The following CDH18 variants were observed in gnomAD, a reference collection of about 807,000 sequenced individuals.
The protein encoded by CDH18 is cadherin-18.
A neutral mutation model predicts 67.9 loss-of-function variants in CDH18; 31 were observed. That is an observed-to-expected ratio of 0.46 (90% CI 0.34 to 0.62). The LOEUF (loss-of-function observed/expected upper bound fraction) is 0.62. Ranked by LOEUF, CDH18 falls within the 20% of genes least tolerant of loss-of-function variation. CDH18 has a pLI of 0.01. For missense variants in CDH18, 890 were observed against 975.5 expected, an observed-to-expected ratio of 0.91 and a Z score of 1.17; for synonymous variants, 362 against 347.2, an observed-to-expected ratio of 1.04 and a Z score of -0.48.
intron 1 of CDH18, among the ~76,000 whole-genome samples, chr5:20,355,907 G>T (rs1741570632): frequency 6.6e-6 from 1 of 152,030 alleles, no homozygotes; most frequent in Non-Finnish European, 1.5e-5. Flanking sequence ...AATTAACTTA[G>T]GTAATGTTAC....
At chr5:20,423,755 C>G (rs1748043891) in intron 1 of CDH18, among the ~76,000 whole-genome samples, 1 of 150,150 alleles carries the variant, frequency 6.7e-6, no homozygotes, top group South Asian at 2.1e-4. Flanking sequence ...ACCATCCTGG[C>G]TAACACGGCG....
At chr5:19,872,496 T>C (rs1474323678) in intron 2 of CDH18, among the ~76,000 whole-genome samples, 1 of 152,186 alleles carries the variant, frequency 6.6e-6, no homozygotes, top group Non-Finnish European at 1.5e-5. Flanking sequence ...AAAGAAGGAT[T>C]GGGCCCTCCA....
chr5:19,610,886 T>C (rs961050318), intron 6 of CDH18, among the ~76,000 whole-genome samples: 2 of 152,168 alleles, frequency 1.3e-5, no homozygotes, highest in Non-Finnish European at 2.9e-5. Flanking sequence ...TTACCTATGA[T>C]ATATACTTTC....
At position 20,370,819 on chromosome 5, in the gene CDH18, A is replaced by G. The variant is rs1742928713; in HGVS notation, c.-579-115314T>C. Among the ~76,000 whole-genome samples, 4 of 152,044 alleles carry G rather than the reference A, an allele frequency of 2.6e-5. No individual in the cohort carries two copies. The South Asian group carries it at 8.3e-4, about 32-fold the overall frequency. The stretch of plus-strand genomic sequence containing the variant: ...TGTGGAAGGCTGAGGCAGGAGGATC[A>G]TGAGGTCAGGAGTTCGAGACTAGCC... On this transcript the variant is annotated intron_variant, in intron 1 of 14. Transcript: ENST00000507958.
chr5:19,472,652 G>A lies in CDH18; in HGVS notation c.*574C>T, dbSNP rs1737747902. Among the ~76,000 whole-genome samples the A allele has an allele frequency of 6.6e-6, 1 of 152,068 alleles. No individual in the cohort carries two copies. The highest frequency in any genetic ancestry group is 2.1e-4 in the South Asian group (1 of 4,820). ...AGTTTTGTATGGAGAAAAGAACTGG[G>A]GAGGGCAAAGGGAAATGGTACATAC... On this transcript the variant is annotated 3_prime_UTR_variant, in exon 13 of 13. Transcript: ENST00000382275.
intron 1 of CDH18, among the ~76,000 whole-genome samples, chr5:20,572,729 T>C (rs1280333734): frequency 6.6e-6 from 1 of 152,168 alleles, no homozygotes; most frequent in Non-Finnish European, 1.5e-5. Flanking sequence ...CTCAGATATC[T>C]ATAAAAACAG....
chr5:19,495,651 T>G (rs1742173841), intron 11 of CDH18, among the ~76,000 whole-genome samples: 1 of 134,892 alleles, frequency 7.4e-6, no homozygotes, highest in Admixed American at 8.8e-5. Flanking sequence ...CCCAGGAGGC[T>G]GAGGTTGCCG....
intron 2 of CDH18, among the ~76,000 whole-genome samples, chr5:19,963,819 C>T (rs187059167): frequency 6.6e-6 from 1 of 152,088 alleles, no homozygotes; most frequent in African/African-American, 2.4e-5. Context: ...GGGGATGCCT[C>T]AAGAAACTTA....
At chr5:20,095,449 AAAG>A (rs1745877548) in intron 2 of CDH18, among the ~76,000 whole-genome samples, 6 of 142,180 alleles carry the variant, frequency 4.2e-5, no homozygotes, top group Non-Finnish European at 9.2e-5. Context: ...GAAAGAAAAG[AAAG>A]AAAGAAAGAA....
At chr5:20,421,498 G>A (rs544154590) in intron 1 of CDH18, among the ~76,000 whole-genome samples, 2 of 150,964 alleles carry the variant, frequency 1.3e-5, no homozygotes, top group South Asian at 4.1e-4. Context: ...TTACGAGTAA[G>A]TGCTGAAATG....
chr5:20,091,082 AC>A (rs1745379082), intron 2 of CDH18, among the ~76,000 whole-genome samples: 5 of 151,638 alleles, frequency 3.3e-5, no homozygotes, highest in Admixed American at 3.3e-4. Context: ...GGAAAACAAA[AC>A]AAAAAAACCC....
chr5:19,999,913 T>C (rs1736309916), intron 2 of CDH18, among the ~76,000 whole-genome samples: 1 of 152,220 alleles, frequency 6.6e-6, no homozygotes, highest in Non-Finnish European at 1.5e-5. Flanking sequence ...GTTTTATCGA[T>C]AATTCTCAAA....
At chr5:20,167,197 CAG>C (rs779747688) in intron 2 of CDH18, among the ~76,000 whole-genome samples, 1 of 152,002 alleles carries the variant, frequency 6.6e-6, no homozygotes, top group African/African-American at 2.4e-5. Flanking sequence ...AACATCTAAA[CAG>C]AGTTTAATGA....
chr5:19,794,977 T>C (rs1776709508), intron 3 of CDH18, among the ~76,000 whole-genome samples: 1 of 152,106 alleles, frequency 6.6e-6, no homozygotes, highest in Non-Finnish European at 1.5e-5. Context: ...GCAGGGTATC[T>C]TGTATCCCCT....
chr5:19,519,602 G>T (rs1238437827), intron 10 of CDH18, among the ~76,000 whole-genome samples: 2 of 152,110 alleles, frequency 1.3e-5, no homozygotes, highest in African/African-American at 2.4e-5. Flanking sequence ...CTGTGTCTTG[G>T]TTCTGAAAAC....
chr5:20,516,404 A>G lies in CDH18; in HGVS notation c.-580+59058T>C, dbSNP rs1755371188. Among the ~76,000 whole-genome samples the G allele has an allele frequency of 2.0e-5, 3 of 152,072 alleles. No homozygotes were observed. The East Asian group carries it at 5.8e-4, about 29-fold the overall frequency. ...CAACCGTTAATCAAATGGAAAATAT[A>G]GTAAGATAATTTACTGCAAACAAAA... On this transcript the variant is annotated intron_variant, in intron 1 of 14. Transcript: ENST00000507958.
intron 1 of CDH18, among the ~76,000 whole-genome samples, chr5:20,454,395 A>G (rs931508368): frequency 2.0e-5 from 3 of 152,158 alleles, no homozygotes; most frequent in Admixed American, 1.3e-4. Context: ...AAAAATAAGT[A>G]TTCTATAGAT....
intron 1 of CDH18, among the ~76,000 whole-genome samples, chr5:20,389,122 T>C (rs1196714134): frequency 6.6e-6 from 1 of 152,112 alleles, no homozygotes. Flanking sequence ...ACTTTCTGTC[T>C]CATGGATCTG....
chr5:19,981,725 G>T (rs941767421), intron 1 of CDH18, among the ~76,000 whole-genome samples: 3 of 152,144 alleles, frequency 2.0e-5, no homozygotes, highest in African/African-American at 7.2e-5. Context: ...TGCTGTTCTT[G>T]TTATGTGTCA....
Sources: gnomAD v4.1 joint callset for allele counts (sites outside exome capture counted in the v4.1 genomes callset) on GRCh38, gnomAD v4.1.1 for gene constraint, MANE v1.5 for transcripts, NCBI Gene and HGNC (gene_info 2026-07-23, HGNC 2026-07-21) for gene names.